Variants in THSD4 observed in about 807,000 individuals in gnomAD.
THSD4 encodes thrombospondin type 1 domain containing 4.
THSD4 carries 69 observed loss-of-function variants against 119.0 expected under a neutral mutation model. The observed-to-expected ratio is 0.58, with a 90% confidence interval of 0.48 to 0.71. The LOEUF (loss-of-function observed/expected upper bound fraction) is 0.71. Among genes scored for constraint, THSD4 ranks in the 30% least tolerant of loss-of-function variants. THSD4 has a pLI of 0.00. For missense variants in THSD4, 1,393 were observed against 1,391.1 expected (o/e 1.00, Z -0.02); for synonymous variants, 524 against 540.4 (o/e 0.97, Z 0.42).
intron 4 of THSD4, among the ~76,000 whole-genome samples, chr15:71,231,497 T>C (rs928358375): frequency 1.3e-5 from 2 of 152,192 alleles, no homozygotes; most frequent in Non-Finnish European, 2.9e-5. Context: ...TCTTGACTTC[T>C]GGAAGAGCTC....
chr15:71,290,629 C>T (rs1312937057), intron 6 of THSD4, among the ~76,000 whole-genome samples: 2 of 152,182 alleles, frequency 1.3e-5, no homozygotes, highest in African/African-American at 2.4e-5. Context: ...AGAGATACAT[C>T]ATTCACTTGT....
chr15:71,207,366 C>T (rs1484591714), intron 3 of THSD4, among the ~76,000 whole-genome samples: 3 of 152,190 alleles, frequency 2.0e-5, no homozygotes, highest in African/African-American at 4.8e-5. Flanking sequence ...GCCCTGGGCT[C>T]GCTTAATCAT....
chr15:71,514,837 A>G (rs2048334407), intron 7 of THSD4, among the ~76,000 whole-genome samples: 1 of 152,146 alleles, frequency 6.6e-6, no homozygotes, highest in African/African-American at 2.4e-5. Flanking sequence ...ATCAGTGAAC[A>G]TTTCTCTCTA....
intron 16 of THSD4, among the ~76,000 whole-genome samples, chr15:71,765,790 C>CTCTG (rs112237737): frequency 0.022 from 3,211 of 146,298 alleles, 46 homozygotes; most frequent in Non-Finnish European, 0.032. Flanking sequence ...CACACACTCT[C>CTCTG]TGTGTGTGTG....
chr15:71,687,806 C>G (rs1222938028), intron 8 of THSD4, among the ~76,000 whole-genome samples: 1 of 149,974 alleles, frequency 6.7e-6, no homozygotes, highest in Non-Finnish European at 1.5e-5. Flanking sequence ...TCTGTATCAA[C>G]CATTCATCAA....
chr15:71,673,194 A>C (rs184924447), intron 8 of THSD4, among the ~76,000 whole-genome samples: 1,780 of 152,250 alleles, frequency 0.012, 42 homozygotes, highest in African/African-American at 0.041. Context: ...CAGGGATTCA[A>C]CTTCTTCCTG....
At chr15:71,717,634 A>C (rs1354953676) in intron 8 of THSD4, among the ~76,000 whole-genome samples, 1 of 152,262 alleles carries the variant, frequency 6.6e-6, no homozygotes, top group African/African-American at 2.4e-5. Flanking sequence ...CAATTGATTA[A>C]ACATCAAAGA....
chr15:71,160,625 T>C (rs983454406), intron 3 of THSD4, among the ~76,000 whole-genome samples: 5 of 152,052 alleles, frequency 3.3e-5, no homozygotes, highest in African/African-American at 1.2e-4. Context: ...TAATAGTGTC[T>C]TTCTGTGTTA....
chr15:71,343,953 A>G (rs566441881), intron 6 of THSD4, among the ~76,000 whole-genome samples: 21 of 151,722 alleles, frequency 1.4e-4, no homozygotes, highest in Admixed American at 3.3e-4. Flanking sequence ...GGCTCAAGCA[A>G]TCAGCCCACC....
At chr15:71,241,110 T>C (rs1383374107) in intron 4 of THSD4, among the ~76,000 whole-genome samples, 1 of 152,226 alleles carries the variant, frequency 6.6e-6, no homozygotes, top group Non-Finnish European at 1.5e-5. Context: ...ATGTTTCACC[T>C]TGATTGCTAT....
intron 8 of THSD4, among the ~76,000 whole-genome samples, chr15:71,668,496 A>G (rs991993454): frequency 1.3e-5 from 2 of 152,140 alleles, no homozygotes; most frequent in Admixed American, 6.5e-5. Flanking sequence ...TGTGGCTGAA[A>G]ATGGGGAAAG....
At chr15:71,242,449 T>C (rs1438616382) in intron 4 of THSD4, among the ~76,000 whole-genome samples, 200 bp from the exon 5 acceptor site, 1 of 152,256 alleles carries the variant, frequency 6.6e-6, no homozygotes, top group Non-Finnish European at 1.5e-5. Flanking sequence ...CATTCTACTT[T>C]CCAACTTCTG....
At chr15:71,236,339 G>A (rs1314484280) in intron 4 of THSD4, among the ~76,000 whole-genome samples, 1 of 152,192 alleles carries the variant, frequency 6.6e-6, no homozygotes, top group Non-Finnish European at 1.5e-5. Context: ...TTCCAGCTCT[G>A]ACAGCTCTTG....
chr15:71,286,102 G>A (rs756092645), intron 6 of THSD4, among the ~76,000 whole-genome samples: 3 of 151,876 alleles, frequency 2.0e-5, no homozygotes, highest in Non-Finnish European at 4.4e-5. Context: ...TTGGGTTTGG[G>A]GTCATGCTTT....
chr15:71,728,838 T>C lies in THSD4; in HGVS notation c.1533+114T>C, dbSNP rs535423436. ...TTGCCCATACTCAATAAAAACCCTT[T>C]GAGCAGAGCCTGTTGGAGGCACTCC... On this transcript the variant is annotated intron_variant, in intron 9 of 17. Coordinates refer to ENST00000261862, the MANE Select transcript of THSD4 (RefSeq NM_024817.3). 1.4e-4 allele frequency: 201 copies of C among 1,398,058 alleles called. 1 individual carries two copies. The highest frequency in any genetic ancestry group is 8.4e-5 in the Non-Finnish European group (84 of 1,001,142). The allele number at this position is 1,398,058 out of a possible 1,614,324, so 86.6% of individuals were successfully genotyped here.
intron 7 of THSD4, among the ~76,000 whole-genome samples, chr15:71,606,710 T>G (rs183554532): frequency 9.2e-5 from 14 of 152,110 alleles, no homozygotes; most frequent in African/African-American, 3.1e-4. Flanking sequence ...CTGGCTAATT[T>G]TGTATTTTTA....
chr15:71,100,511 G>A (rs905891298), intron 1 of THSD4, among the ~76,000 whole-genome samples: 6 of 152,138 alleles, frequency 3.9e-5, no homozygotes, highest in Admixed American at 2.0e-4. Context: ...TTGGTTGTAG[G>A]TACATGAAAG....
At chr15:71,390,478 C>A (rs2046361929) in intron 6 of THSD4, among the ~76,000 whole-genome samples, 1 of 152,188 alleles carries the variant, frequency 6.6e-6, no homozygotes, top group African/African-American at 2.4e-5. Flanking sequence ...GTTTGACTTT[C>A]CTTTACATAA....
chr15:71,774,180 G>T (rs140852547), intron 17 of THSD4, among the ~76,000 whole-genome samples: 4,338 of 151,922 alleles, frequency 0.029, 89 homozygotes, highest in Non-Finnish European at 0.043. Context: ...GTGTGGTGGC[G>T]CATGCCTATA....
Sources: allele counts gnomAD v4.1 joint callset (sites outside exome capture counted in the v4.1 genomes callset), GRCh38; gene constraint gnomAD v4.1.1; transcripts MANE v1.5; gene names NCBI Gene and HGNC (gene_info 2026-07-23, HGNC 2026-07-21).